Variants in KCNU1 observed in about 807,000 individuals in gnomAD.
The protein encoded by KCNU1 is potassium channel subfamily U member 1.
KCNU1 carries 93 observed loss-of-function variants against 126.8 expected under a neutral mutation model. That is an observed-to-expected ratio of 0.73 (90% CI 0.62 to 0.87). The LOEUF (loss-of-function observed/expected upper bound fraction) is 0.87. Ranked by LOEUF, KCNU1 falls within the 40% of genes least tolerant of loss-of-function variation. The probability of loss-of-function intolerance (pLI) is 0.00; values close to 1 mark genes in which losing one functional copy is unlikely to be tolerated. For missense variants in KCNU1, 1,330 were observed against 1,367.1 expected (o/e 0.97, Z 0.43); for synonymous variants, 523 against 494.2 (o/e 1.06, Z -0.77).
chr8:36,802,946 C>T (rs1327460259), intron 2 of KCNU1, among the ~76,000 whole-genome samples: 1 of 152,126 alleles, frequency 6.6e-6, no homozygotes, highest in African/African-American at 2.4e-5. Flanking sequence ...AACATGAATT[C>T]AGTTGGAATC....
intron 7 of KCNU1, among the ~76,000 whole-genome samples, chr8:36,810,137 A>T (rs1006373819): frequency 6.6e-6 from 1 of 152,016 alleles, no homozygotes; most frequent in African/African-American, 2.4e-5. Flanking sequence ...CTGTAGTTCC[A>T]GCTACTTGGA....
At chr8:36,798,542 A>C (rs1320998911) in intron 2 of KCNU1, among the ~76,000 whole-genome samples, 1 of 152,108 alleles carries the variant, frequency 6.6e-6, no homozygotes, top group Admixed American at 6.6e-5. Flanking sequence ...GCACATTTTA[A>C]AGATCTGAAT....
chr8:36,787,269 C>T, intron 1 of KCNU1, 37 bp from the exon 2 acceptor site: 1 of 1,565,568 alleles, frequency 6.4e-7, no homozygotes, highest in Non-Finnish European at 8.7e-7. Context: ...TCTCTCAGAT[C>T]CAGCTCACAT....
At chr8:36,808,013 G>A (rs929342654) in intron 6 of KCNU1, among the ~76,000 whole-genome samples, 4 of 152,154 alleles carry the variant, frequency 2.6e-5, no homozygotes, top group African/African-American at 9.7e-5. Context: ...CTGTTACCCA[G>A]TCAAAATCTC....
At chr8:36,889,781 A>T (rs577045084) in intron 19 of KCNU1, among the ~76,000 whole-genome samples, 1 of 152,262 alleles carries the variant, frequency 6.6e-6, no homozygotes, top group Non-Finnish European at 1.5e-5. Flanking sequence ...CTCAGAAAAC[A>T]GGTAGGATAC....
chr8:36,850,941 T>C (rs1349910619), intron 18 of KCNU1, among the ~76,000 whole-genome samples: 2 of 152,234 alleles, frequency 1.3e-5, no homozygotes, highest in Non-Finnish European at 2.9e-5. Flanking sequence ...TTAATCTATA[T>C]GTGTAACCTT....
At chr8:36,934,258 A>C (rs561149946) in intron 26 of KCNU1, among the ~76,000 whole-genome samples, 1 of 152,224 alleles carries the variant, frequency 6.6e-6, no homozygotes, top group African/African-American at 2.4e-5. Context: ...GGAGTTGTAA[A>C]CCACATAGAC....
At chr8:36,814,710 G>A (rs1183258874) in intron 8 of KCNU1, among the ~76,000 whole-genome samples, 1 of 152,178 alleles carries the variant, frequency 6.6e-6, no homozygotes, top group African/African-American at 2.4e-5. Flanking sequence ...AAGGATATTT[G>A]AGATTTGATC....
At chr8:36,829,070 CA>C (rs1804430494) in intron 10 of KCNU1, among the ~76,000 whole-genome samples, 1 of 152,086 alleles carries the variant, frequency 6.6e-6, no homozygotes, top group Non-Finnish European at 1.5e-5. Context: ...CTTTCCGTGA[CA>C]TACTCATCCA....
Position 36,784,550 on chromosome 8 carries a change from T to C in KCNU1, c.140T>C (p.Leu47Pro). 2 of 1,613,820 alleles carry C rather than the reference T, an allele frequency of 1.2e-6. No homozygotes were observed. Among genetic ancestry groups the C allele is most frequent in the East Asian group, 2.2e-5 (1 of 44,874 alleles). ...SGLIILLIFRLIWRSVKKWQI... is the reference protein window; with the variant it reads ...SGLIILLIFRPIWRSVKKWQI... ...CTCATCATCCTGTTGATCTTCAGGC[T>C]GATCTGGAGATCTGTTAAAAAATGG... The change falls in exon 1 of 27, where the codon CTG (leucine) becomes CCG (proline). Residue 47 changes from leucine to proline, a missense_variant. By Grantham distance (98) the Leu-to-Pro change is moderately conservative. Transcript: ENST00000399881.
At chr8:36,892,248 T>C (rs961749559) in intron 19 of KCNU1, among the ~76,000 whole-genome samples, 5 of 152,156 alleles carry the variant, frequency 3.3e-5, no homozygotes, top group Non-Finnish European at 5.9e-5. Flanking sequence ...GCTGCTGAGC[T>C]CCTTCACTAA....
intron 19 of KCNU1, among the ~76,000 whole-genome samples, chr8:36,867,335 G>A (rs1369951900): frequency 1.3e-5 from 2 of 152,088 alleles, no homozygotes; most frequent in Non-Finnish European, 2.9e-5. Context: ...TAAAGCCTGG[G>A]GGGAATGTGG....
At chr8:36,854,411 T>G (rs976077497) in intron 18 of KCNU1, among the ~76,000 whole-genome samples, 1 of 151,946 alleles carries the variant, frequency 6.6e-6, no homozygotes, top group African/African-American at 2.4e-5. Flanking sequence ...TCTTAATTCC[T>G]TTTTTCTTCT....
intron 16 of KCNU1, among the ~76,000 whole-genome samples, chr8:36,843,431 A>G (rs1042671582): frequency 2.0e-5 from 3 of 152,220 alleles, no homozygotes; most frequent in African/African-American, 7.2e-5. Flanking sequence ...GACCTGTTAC[A>G]TATGTTAACT....
chr8:36,861,763 T>C (rs1805738269), intron 18 of KCNU1, among the ~76,000 whole-genome samples: 1 of 152,188 alleles, frequency 6.6e-6, no homozygotes, highest in African/African-American at 2.4e-5. Context: ...TAAAACTTCT[T>C]GAGGGAGATA....
intron 18 of KCNU1, among the ~76,000 whole-genome samples, chr8:36,862,572 T>G (rs1240613706): frequency 6.6e-6 from 1 of 152,116 alleles, no homozygotes; most frequent in Non-Finnish European, 1.5e-5. Context: ...CCCACACACA[T>G]GCACCTTCTT....
chr8:36,830,810 A>G (rs1396986404), intron 10 of KCNU1, among the ~76,000 whole-genome samples: 4 of 151,844 alleles, frequency 2.6e-5, no homozygotes, highest in African/African-American at 9.7e-5. Context: ...CACAATGTGC[A>G]GGTTAGTTGC....
chr8:36,836,901 T>C lies in KCNU1; in HGVS notation c.1474T>C (p.Leu492=). ...FIAQGCLVPG[L]CTFLTSLFVE... ...CGCCCAAGGCTGTTTGGTGCCAGGC[T>C]TGTGTACCTTCCTAACATCTCTATT... Residue 492 remains leucine (L), a synonymous_variant, in exon 14 of 27, where the codon TTG becomes CTG. Coordinates refer to ENST00000399881, the MANE Select transcript of KCNU1 (RefSeq NM_001031836.3). The C allele has an allele frequency of 2.5e-6, 4 of 1,613,892 alleles. No homozygotes were observed. The highest frequency in any genetic ancestry group is 1.7e-4 in the Middle Eastern group (1 of 6,058).
intron 10 of KCNU1, among the ~76,000 whole-genome samples, chr8:36,826,017 C>T (rs1222004675): frequency 1.3e-5 from 2 of 151,744 alleles, no homozygotes; most frequent in African/African-American, 2.4e-5. Context: ...TATTAATTTA[C>T]CTCTGGATTG....
Sources: gnomAD v4.1 joint callset for allele counts (sites outside exome capture counted in the v4.1 genomes callset) on GRCh38, gnomAD v4.1.1 for gene constraint, MANE v1.5 for transcripts, NCBI Gene and HGNC (gene_info 2026-07-23, HGNC 2026-07-21) for gene names.